The following MAD1L1 variants were observed in gnomAD, a reference collection of about 807,000 sequenced individuals.
MAD1L1 encodes the protein mitotic spindle assembly checkpoint protein MAD1.
In MAD1L1, 95 loss-of-function variants were observed where a neutral mutation model predicts 96.9. That is an observed-to-expected ratio of 0.98 (90% CI 0.83 to 1.16). MAD1L1 has a LOEUF of 1.16. Among genes scored for constraint, MAD1L1 ranks in the 50% most tolerant of loss-of-function variants. MAD1L1 has a pLI of 0.00. For missense variants in MAD1L1, 1,007 were observed against 954.4 expected, an observed-to-expected ratio of 1.06 and a Z score of -0.73; for synonymous variants, 473 against 396.6, an observed-to-expected ratio of 1.19 and a Z score of -2.29.
intron 9 of MAD1L1, among the ~76,000 whole-genome samples, chr7:2,215,648 T>A (rs1584570948): frequency 1.3e-5 from 2 of 151,924 alleles, no homozygotes; most frequent in Admixed American, 1.3e-4. Context: ...CAGGAGCCCC[T>A]CCCCGCCGTG....
At chr7:2,168,936 A>C (rs1177778831) in intron 10 of MAD1L1, among the ~76,000 whole-genome samples, 3 of 152,236 alleles carry the variant, frequency 2.0e-5, no homozygotes, top group Admixed American at 6.5e-5. Context: ...CTGAAGCGGG[A>C]GGAACACGCG....
chr7:1,979,668 G>C (rs1178550906), intron 15 of MAD1L1, among the ~76,000 whole-genome samples: 1 of 152,242 alleles, frequency 6.6e-6, no homozygotes, highest in Non-Finnish European at 1.5e-5. Flanking sequence ...GTGCAAGCAG[G>C]AGCTGGGGTG....
intron 17 of MAD1L1, among the ~76,000 whole-genome samples, chr7:1,933,544 G>A (rs1789604203): frequency 6.6e-6 from 1 of 152,226 alleles, no homozygotes; most frequent in Non-Finnish European, 1.5e-5. Context: ...AACGCGCTGA[G>A]CATCCGCGTG....
intron 11 of MAD1L1, among the ~76,000 whole-genome samples, chr7:2,140,664 A>G (rs1315974547): frequency 6.6e-6 from 1 of 152,192 alleles, no homozygotes; most frequent in Non-Finnish European, 1.5e-5. Context: ...AACCCCAAGG[A>G]GCAACCAGGC....
chr7:2,222,757 G>T lies in MAD1L1; in HGVS notation c.292-3C>A. On this transcript the variant is annotated splice_polypyrimidine_tract_variant and splice_region_variant and intron_variant, in intron 4 of 18. Coordinates refer to ENST00000265854, the MANE Select transcript of MAD1L1 (RefSeq NM_001013836.2). ...TCCTGGTTGCGGTCGACCTCACGCT[G>T]TTAAGAGAGCAAGAGTCAGATGCCA... The T allele has an allele frequency of 6.3e-7, 1 of 1,588,468 alleles. No homozygotes were observed. The highest frequency in any genetic ancestry group is 1.1e-5 in the South Asian group (1 of 89,254).
chr7:2,227,487 G>A (rs1639922), intron 3 of MAD1L1, among the ~76,000 whole-genome samples: 45,334 of 151,810 alleles, frequency 0.3, 7,932 homozygotes, highest in African/African-American at 0.48. Flanking sequence ...GCTGGCTGGC[G>A]TCCAGGGGGT....
At position 2,083,441 on chromosome 7, in the gene MAD1L1, G is replaced by A. The variant is rs1785753467; in HGVS notation, c.1074-14103C>T. Among the ~76,000 whole-genome samples the A allele has an allele frequency of 2.6e-5, 4 of 152,236 alleles. No individual in the cohort carries two copies. In the South Asian group the frequency reaches 8.3e-4, roughly 31 times the overall value. On this transcript the variant is annotated intron_variant, in intron 11 of 18. Transcript: ENST00000265854. ...GGTTAGTGCTTGTTGGAATCACTGA[G>A]CACTTCTTGGCTTACACAGCACGGA... is the stretch of plus-strand genomic sequence containing the variant.
At chr7:2,004,208 C>T (rs139562583) in intron 13 of MAD1L1, among the ~76,000 whole-genome samples, 3,225 of 152,298 alleles carry the variant, frequency 0.021, 62 homozygotes, top group Non-Finnish European at 0.036. Context: ...GACAACAAGG[C>T]TCTGAGGTGG....
chr7:2,182,079 A>C (rs560634684), intron 10 of MAD1L1, among the ~76,000 whole-genome samples: 6 of 152,124 alleles, frequency 3.9e-5, no homozygotes, highest in Non-Finnish European at 8.8e-5. Context: ...ACAACTAAAG[A>C]GCTTTTCCAT....
intron 13 of MAD1L1, among the ~76,000 whole-genome samples, chr7:2,012,194 C>CATCT (rs1448424569): frequency 6.6e-6 from 1 of 152,216 alleles, no homozygotes; most frequent in African/African-American, 2.4e-5. Context: ...ACAGTGCCAG[C>CATCT]ATCTGGTCAA....
chr7:1,822,727 ATTTTTTTT>A (rs146496198), intron 18 of MAD1L1, among the ~76,000 whole-genome samples: 5 of 134,554 alleles, frequency 3.7e-5, no homozygotes, highest in East Asian at 4.3e-4. Context: ...CCCGGCCAGC[ATTTTTTTT>A]TTTTTTTTTT....
intron 18 of MAD1L1, among the ~76,000 whole-genome samples, chr7:1,886,826 G>T (rs1422730204): frequency 1.3e-5 from 2 of 152,268 alleles, no homozygotes; most frequent in Admixed American, 1.3e-4. Context: ...GTGAGCACAG[G>T]TCTGTGGCCC....
intron 11 of MAD1L1, among the ~76,000 whole-genome samples, chr7:2,120,458 C>T (rs558285589): frequency 6.6e-6 from 1 of 152,224 alleles, no homozygotes; most frequent in Non-Finnish European, 1.5e-5. Flanking sequence ...GGGGTCACCA[C>T]CCTGCAATCT....
At chr7:2,052,612 A>G (rs1784232136) in intron 12 of MAD1L1, among the ~76,000 whole-genome samples, 1 of 152,200 alleles carries the variant, frequency 6.6e-6, no homozygotes, top group Non-Finnish European at 1.5e-5. Flanking sequence ...TATATCTTAC[A>G]AATAAATGGG....
intron 10 of MAD1L1, among the ~76,000 whole-genome samples, chr7:2,210,399 C>T (rs1011681282): frequency 4.6e-5 from 7 of 152,006 alleles, no homozygotes; most frequent in South Asian, 4.2e-4. Context: ...CAAACCCTCC[C>T]GGTGATTCTA....
chr7:2,026,236 A>G lies in MAD1L1; in HGVS notation c.1219-11594T>C, dbSNP rs533808833. 3.3e-5 allele frequency among the ~76,000 whole-genome samples: 5 copies of G among 152,336 alleles called. No homozygotes were observed. The South Asian group carries it at 1.0e-3, about 32-fold the overall frequency. On this transcript the variant is annotated intron_variant, in intron 12 of 18. Transcript: ENST00000265854. ...AATCCGCAGAGATAAAGAATGTCTCATAATAACAAAAGGCAAAATTCACCA... is the reference window on the plus strand; with the variant it reads ...AATCCGCAGAGATAAAGAATGTCTCGTAATAACAAAAGGCAAAATTCACCA...
At chr7:2,151,261 A>G (rs1789555219) in intron 10 of MAD1L1, among the ~76,000 whole-genome samples, 1 of 152,280 alleles carries the variant, frequency 6.6e-6, no homozygotes, top group Non-Finnish European at 1.5e-5. Context: ...CAAATAAATA[A>G]AAATCGCATA....
chr7:2,211,203 A>T (rs1183506305), intron 10 of MAD1L1, among the ~76,000 whole-genome samples: 1 of 151,966 alleles, frequency 6.6e-6, no homozygotes, highest in Non-Finnish European at 1.5e-5. Flanking sequence ...CCTCTCCCTC[A>T]TCCAGGGCCT....
chr7:2,092,939 G>C (rs1786288870), intron 11 of MAD1L1, among the ~76,000 whole-genome samples: 1 of 151,978 alleles, frequency 6.6e-6, no homozygotes, highest in Non-Finnish European at 1.5e-5. Flanking sequence ...ACCAGGTAAT[G>C]CATATAAAAG....
Sources: gnomAD v4.1 joint callset for allele counts (sites outside exome capture counted in the v4.1 genomes callset) on GRCh38, gnomAD v4.1.1 for gene constraint, MANE v1.5 for transcripts, NCBI Gene and HGNC (gene_info 2026-07-23, HGNC 2026-07-21) for gene names.